KCTD8: variants seen among roughly 807,000 people sequenced by gnomAD.
KCTD8 encodes the protein potassium channel tetramerization domain containing 8.
A neutral mutation model predicts 31.5 loss-of-function variants in KCTD8; 27 were observed. The observed-to-expected ratio is 0.86, with a 90% confidence interval of 0.63 to 1.18. The LOEUF (loss-of-function observed/expected upper bound fraction) is 1.18. Ranked by LOEUF, KCTD8 falls within the 50% of genes most tolerant of loss-of-function variation. The pLI is 0.00. For missense variants in KCTD8, 658 were observed against 647.7 expected (o/e 1.02, Z -0.17); for synonymous variants, 290 against 280.0 (o/e 1.04, Z -0.36).
At chr4:44,404,209 A>G (rs1720732030) in intron 1 of KCTD8, among the ~76,000 whole-genome samples, 1 of 152,240 alleles carries the variant, frequency 6.6e-6, no homozygotes, top group South Asian at 2.1e-4. Context: ...ATAGTCATAT[A>G]TAATTGTCAT....
At chr4:44,222,392 CT>C (rs1714832865) in intron 1 of KCTD8, among the ~76,000 whole-genome samples, 3 of 152,298 alleles carry the variant, frequency 2.0e-5, no homozygotes, top group Admixed American at 2.0e-4. Context: ...CATGTCTTGT[CT>C]TTCATTAACC....
intron 1 of KCTD8, among the ~76,000 whole-genome samples, chr4:44,236,194 C>T (rs994646025): frequency 1.3e-5 from 2 of 152,192 alleles, no homozygotes; most frequent in Non-Finnish European, 2.9e-5. Flanking sequence ...ATACCCTCAC[C>T]TCATCATTCT....
At chr4:44,206,573 C>T (rs1714315935) in intron 1 of KCTD8, among the ~76,000 whole-genome samples, 1 of 152,136 alleles carries the variant, frequency 6.6e-6, no homozygotes, top group Non-Finnish European at 1.5e-5. Flanking sequence ...TAAAGTGGTC[C>T]CTGGTCAGAC....
chr4:44,209,498 AC>A (rs1366907914), intron 1 of KCTD8, among the ~76,000 whole-genome samples: 3 of 139,858 alleles, frequency 2.1e-5, no homozygotes, highest in African/African-American at 7.6e-5. Flanking sequence ...CTACACACAT[AC>A]ACACACACAC....
In KCTD8 at chr4:44,379,242, TG is replaced by T. The variant is rs546609113; in HGVS notation, c.961+68320del. Among the ~76,000 whole-genome samples the T allele has an allele frequency of 1.8e-4, 27 of 152,234 alleles. 1 individual carries two copies. In the East Asian group the frequency reaches 5.1e-3, roughly 28 times the overall value. On this transcript the variant is annotated intron_variant, in intron 1 of 1. Transcript: ENST00000360029. ...TTATTAAATCTATCCAGGGGGCAAT[TG>T]TTTTTATTCACAAGTAAATCAATAC... is the stretch of plus-strand genomic sequence containing the variant.
chr4:44,269,525 C>G (rs113328158), intron 1 of KCTD8, among the ~76,000 whole-genome samples: 2 of 149,524 alleles, frequency 1.3e-5, no homozygotes, highest in Admixed American at 1.3e-4. Flanking sequence ...GCAACAAAAG[C>G]CAAAATTGAC....
intron 1 of KCTD8, among the ~76,000 whole-genome samples, chr4:44,224,682 T>C (rs990795811): frequency 2.6e-5 from 4 of 152,224 alleles, no homozygotes; most frequent in African/African-American, 9.6e-5. Context: ...CTAAAACAGA[T>C]AATCTCTAAA....
chr4:44,337,726 T>C (rs1718790509), intron 1 of KCTD8, among the ~76,000 whole-genome samples: 1 of 151,122 alleles, frequency 6.6e-6, no homozygotes, highest in Admixed American at 6.6e-5. Flanking sequence ...CATTAATTGA[T>C]GCTTCATGAA....
rs184904471 is a variant in KCTD8, at chr4:44,374,221, G to A, written c.961+73342C>T. 2.0e-5 allele frequency among the ~76,000 whole-genome samples: 3 copies of A among 152,312 alleles called. No individual in the cohort carries two copies. In the East Asian group the frequency reaches 5.8e-4, roughly 29 times the overall value. ...TTAACGCAAAAATGCATATAGATGT[G>A]CTTGTTGAATGGAAAGGACAATCAA... On this transcript the variant is annotated intron_variant, in intron 1 of 1. Transcript: ENST00000360029.
chr4:44,268,445 T>A (rs1277605105), intron 1 of KCTD8, among the ~76,000 whole-genome samples: 2 of 152,126 alleles, frequency 1.3e-5, no homozygotes, highest in Non-Finnish European at 2.9e-5. Context: ...TCATACTGAA[T>A]GGGCAAAAAC....
chr4:44,189,417 ATTATT>A, intron 1 of KCTD8, among the ~76,000 whole-genome samples: 1 of 130,808 alleles, frequency 7.6e-6, no homozygotes, highest in African/African-American at 3.1e-5. Flanking sequence ...TAGATCAACC[ATTATT>A]GGAATAACGA....
At chr4:44,230,121 T>G (rs766870487) in intron 1 of KCTD8, among the ~76,000 whole-genome samples, 1 of 152,166 alleles carries the variant, frequency 6.6e-6, no homozygotes, top group Non-Finnish European at 1.5e-5. Flanking sequence ...TTCTTTCTTT[T>G]GAGGAGGCAA....
At chr4:44,411,293 G>A (rs968008893) in intron 1 of KCTD8, among the ~76,000 whole-genome samples, 1 of 147,326 alleles carries the variant, frequency 6.8e-6, no homozygotes, top group Non-Finnish European at 1.5e-5. Flanking sequence ...TGGGAGAAAC[G>A]ACTGATCCCA....
At chr4:44,232,870 G>C (rs896076139) in intron 1 of KCTD8, among the ~76,000 whole-genome samples, 1 of 151,878 alleles carries the variant, frequency 6.6e-6, no homozygotes, top group Non-Finnish European at 1.5e-5. Flanking sequence ...TAGAAATGTG[G>C]ACATAAATGA....
chr4:44,213,962 C>T (rs1012613976), intron 1 of KCTD8, among the ~76,000 whole-genome samples: 1 of 152,030 alleles, frequency 6.6e-6, no homozygotes, highest in Non-Finnish European at 1.5e-5. Flanking sequence ...GTACCTATAC[C>T]AGAAAGAGAA....
At chr4:44,388,112 A>C (rs145417790) in intron 1 of KCTD8, among the ~76,000 whole-genome samples, 28 of 151,868 alleles carry the variant, frequency 1.8e-4, no homozygotes, top group Non-Finnish European at 2.9e-4. Flanking sequence ...AAAAAGTTCA[A>C]CATCACTGAT....
intron 1 of KCTD8, among the ~76,000 whole-genome samples, chr4:44,385,719 A>G (rs571593461): frequency 6.6e-6 from 1 of 151,804 alleles, no homozygotes; most frequent in East Asian, 1.9e-4. Context: ...TCAAAGTTAA[A>G]TACTTCTTTC....
In KCTD8 at chr4:44,352,084, A is replaced by G. The variant is rs117232715; in HGVS notation, c.961+95479T>C. Among the ~76,000 whole-genome samples the G allele has an allele frequency of 9.1e-4, 138 of 152,238 alleles. 1 individual carries two copies. The East Asian group carries it at 0.023, about 26-fold the overall frequency. On this transcript the variant is annotated intron_variant, in intron 1 of 1. Transcript: ENST00000360029. ...GACTCAGAAATTCTCTTCTCATTCCATGTACCCTAAAGCTTCTGCTCATTT... is the reference window on the plus strand; with the variant it reads ...GACTCAGAAATTCTCTTCTCATTCCGTGTACCCTAAAGCTTCTGCTCATTT...
intron 1 of KCTD8, among the ~76,000 whole-genome samples, chr4:44,352,072 T>C (rs1186550126): frequency 6.6e-6 from 1 of 152,146 alleles, no homozygotes; most frequent in Non-Finnish European, 1.5e-5. Context: ...TCAGAAATTC[T>C]CTTCTCATTC....
Sources: allele counts gnomAD v4.1 joint callset (sites outside exome capture counted in the v4.1 genomes callset), GRCh38; gene constraint gnomAD v4.1.1; transcripts MANE v1.5; gene names NCBI Gene and HGNC (gene_info 2026-07-23, HGNC 2026-07-21).